DNAH14: variants seen among roughly 807,000 people sequenced by gnomAD.
DNAH14 encodes axonemal beta dynein heavy chain 14.
A neutral mutation model predicts 520.9 loss-of-function variants in DNAH14; 478 were observed. The observed-to-expected ratio is 0.92, with a 90% confidence interval of 0.85 to 0.99. The LOEUF (loss-of-function observed/expected upper bound fraction) is 0.99. Among genes scored for constraint, DNAH14 ranks in the 50% least tolerant of loss-of-function variants. DNAH14 has a pLI of 0.00. For synonymous variants in DNAH14, 1,581 were observed against 1,757.2 expected (o/e 0.90, Z 2.51); for missense variants, 4,831 against 5,234.5 (o/e 0.92, Z 2.38).
intron 73 of DNAH14, chr1:225,354,326 A>G (rs2095406898): frequency 2.9e-6 from 2 of 688,700 alleles, no homozygotes; most frequent in African/African-American, 1.8e-5. Context: ...TTTGCCTCAT[A>G]CCTAAACCAC....
At chr1:225,322,009 A>G (rs2094562784) in intron 61 of DNAH14, among the ~76,000 whole-genome samples, 2 of 151,880 alleles carry the variant, frequency 1.3e-5, no homozygotes. Context: ...TCAGTAAATC[A>G]ACCCTGGACT....
chr1:225,175,283 A>C (rs2083188140), intron 36 of DNAH14, among the ~76,000 whole-genome samples: 3 of 152,194 alleles, frequency 2.0e-5, no homozygotes, highest in Non-Finnish European at 2.9e-5. Context: ...TGAAGCCATC[A>C]CATCCTGGGC....
At chr1:225,059,623 G>C (rs192762079) in intron 17 of DNAH14, among the ~76,000 whole-genome samples, 11,073 of 152,208 alleles carry the variant, frequency 0.073, 551 homozygotes, top group South Asian at 0.17. Flanking sequence ...TCCTAGCCTC[G>C]ATGGTCTTTA....
chr1:225,336,842 G>T (rs908664163), intron 66 of DNAH14, among the ~76,000 whole-genome samples: 1 of 152,148 alleles, frequency 6.6e-6, no homozygotes, highest in Non-Finnish European at 1.5e-5. Context: ...ATTTCACTAT[G>T]TGGTATATAT....
chr1:225,346,769 G>A (rs2095292442), intron 71 of DNAH14, 115 bp downstream of exon 71: 1 of 699,590 alleles, frequency 1.4e-6, no homozygotes, highest in Non-Finnish European at 2.3e-6. Context: ...AGTAGCTTGA[G>A]GTCAAGCACC....
At chr1:225,339,033 A>C in intron 68 of DNAH14, among the ~76,000 whole-genome samples, 1 of 151,938 alleles carries the variant, frequency 6.6e-6, no homozygotes, top group South Asian at 2.1e-4. Context: ...GTGGTGGCGC[A>C]CGCCTGTAAT....
Position 224,968,848 on chromosome 1 carries a change from G to T in DNAH14, c.741G>T (p.Arg247=). 6.5e-7 allele frequency: 1 copy of T among 1,542,602 alleles called. No individual in the cohort carries two copies. Among genetic ancestry groups the T allele is most frequent in the South Asian group, 1.2e-5 (1 of 81,892 alleles). ...AAAGAAGACATTACTATTTATTACG[G>T]CAATTCAAGATATTTTCTGATTTCC... is the stretch of plus-strand genomic sequence containing the variant. The part of the protein sequence containing the change: ...LSERRHYYLL[R]QFKIFSDFRM... The change falls in exon 7 of 86, where the codon CGG becomes CGT. Residue 247 remains arginine, a synonymous_variant. Transcript: ENST00000682510.
intron 41 of DNAH14, 114 bp from the exon 42 acceptor site, chr1:225,230,959 G>A (rs552056542): frequency 3.1e-6 from 2 of 645,658 alleles, no homozygotes; most frequent in East Asian, 6.1e-5. Context: ...GTTAAATAAA[G>A]ATATTCTATG....
intron 34 of DNAH14, 41 bp from the exon 35 acceptor site, chr1:225,159,273 C>G (rs1480101): frequency 0.13 from 192,022 of 1,503,952 alleles, 14,307 homozygotes; most frequent in East Asian, 0.33. Context: ...GAGCAGACTC[C>G]CTAATTTGTT....
chr1:224,952,246 T>G (rs982774852), intron 1 of DNAH14, among the ~76,000 whole-genome samples: 1 of 152,224 alleles, frequency 6.6e-6, no homozygotes, highest in African/African-American at 2.4e-5. Flanking sequence ...TAGTAGTATA[T>G]GGATGTGGCC....
At chr1:225,239,139 C>T (rs1407849081) in intron 42 of DNAH14, among the ~76,000 whole-genome samples, 1 of 152,166 alleles carries the variant, frequency 6.6e-6, no homozygotes, top group East Asian at 1.9e-4. Context: ...GAGAACGATG[C>T]TGTTTGGCTC....
At chr1:224,996,876 G>C (rs1408064883) in intron 8 of DNAH14, among the ~76,000 whole-genome samples, 1 of 152,150 alleles carries the variant, frequency 6.6e-6, no homozygotes, top group Non-Finnish European at 1.5e-5. Flanking sequence ...CCTGAACTGA[G>C]TGCTGTTTAA....
intron 75 of DNAH14, among the ~76,000 whole-genome samples, chr1:225,363,279 T>C (rs1442156679): frequency 6.6e-6 from 1 of 152,258 alleles, no homozygotes; most frequent in Non-Finnish European, 1.5e-5. Context: ...TTTAGTTTAT[T>C]GTCCCAATAA....
chr1:225,039,120 TG>T (rs1283006452), intron 12 of DNAH14, among the ~76,000 whole-genome samples: 1 of 152,124 alleles, frequency 6.6e-6, no homozygotes, highest in Non-Finnish European at 1.5e-5. Flanking sequence ...TCTGACCTCT[TG>T]GAGCTTATAT....
chr1:225,221,282 G>T (rs2090030921), intron 41 of DNAH14, among the ~76,000 whole-genome samples: 1 of 152,136 alleles, frequency 6.6e-6, no homozygotes, highest in South Asian at 2.1e-4. Context: ...AAAAGCAATG[G>T]CAACAAAAGC....
intron 43 of DNAH14, among the ~76,000 whole-genome samples, chr1:225,249,911 C>T (rs1164437086): frequency 6.6e-6 from 1 of 152,150 alleles, no homozygotes; most frequent in East Asian, 1.9e-4. Flanking sequence ...TATCATTTAT[C>T]AGTAGTTAAT....
rs1034206324 is a variant in DNAH14, at chr1:225,346,609, A to T, written c.11251A>T (p.Ile3751Leu). 8 of 1,549,604 alleles carry T rather than the reference A, an allele frequency of 5.2e-6. No individual in the cohort carries two copies. The highest frequency in any genetic ancestry group is 7.0e-6 in the Non-Finnish European group (8 of 1,145,772). The change falls in exon 71 of 86, where the codon ATA (isoleucine) becomes TTA (leucine). Residue 3751 changes from isoleucine (I) to leucine (L), a missense_variant. Physicochemically the swap from Ile to Leu is conservative, Grantham distance 5. Transcript: ENST00000682510. The stretch of plus-strand genomic sequence containing the variant: ...ATGGAACATCTTTTTATATTCTGGC[A>T]TATTGATAAATATTAAAAGTGCATT... ...EEWNIFLYSGILINIKSALSQ... is the reference protein window; with the variant it reads ...EEWNIFLYSGLLINIKSALSQ...
intron 75 of DNAH14, 109 bp downstream of exon 75, chr1:225,361,000 C>A: frequency 2.0e-6 from 2 of 1,003,134 alleles, no homozygotes; most frequent in Non-Finnish European, 2.9e-6. Flanking sequence ...AAATAATGTG[C>A]TGAGCCACTC....
At position 225,003,056 on chromosome 1, in the gene DNAH14, C is replaced by A. The variant is rs148841051; in HGVS notation, c.975+129C>A. On this transcript the variant is annotated intron_variant, in intron 9 of 85. Transcript: ENST00000682510. Reference sequence around the variant, plus strand: ...ACCATCTCTTTCGATTACTACCGTTCTAAAATATCTGCAAAGAATGTGAGT... The same window carrying A: ...ACCATCTCTTTCGATTACTACCGTTATAAAATATCTGCAAAGAATGTGAGT... 456 of 818,196 alleles carry A rather than the reference C, an allele frequency of 5.6e-4. 1 individual carries two copies. The highest frequency in any genetic ancestry group is 6.7e-4 in the Non-Finnish European group (380 of 571,004). The allele number at this position is 818,196 out of a possible 1,614,324, so 50.7% of individuals were successfully genotyped here.
Sources: allele counts gnomAD v4.1 joint callset (sites outside exome capture counted in the v4.1 genomes callset), GRCh38; gene constraint gnomAD v4.1.1; transcripts MANE v1.5; gene names NCBI Gene and HGNC (gene_info 2026-07-23, HGNC 2026-07-21).